Variants in FILIP1L observed in about 807,000 individuals in gnomAD.
FILIP1L encodes the protein filamin A interacting protein 1 like.
FILIP1L carries 55 observed loss-of-function variants against 96.6 expected under a neutral mutation model. The observed-to-expected ratio is 0.57, with a 90% CI of 0.46 to 0.71. The LOEUF is 0.71. FILIP1L is among the 30% of genes least tolerant of loss of function. FILIP1L has a pLI of 0.00. For missense variants in FILIP1L, 1,304 were observed against 1,321.2 expected (o/e 0.99, Z 0.20); for synonymous variants, 467 against 473.9 (o/e 0.99, Z 0.19).
intron 1 of FILIP1L, among the ~76,000 whole-genome samples, chr3:100,096,262 A>G (rs114748258): frequency 1.3e-5 from 2 of 152,142 alleles, no homozygotes; most frequent in Non-Finnish European, 2.9e-5. Flanking sequence ...ACTACTAGGT[A>G]CATACCCCAA....
At chr3:100,097,378 A>C (rs541119935) in intron 1 of FILIP1L, among the ~76,000 whole-genome samples, 1 of 152,328 alleles carries the variant, frequency 6.6e-6, no homozygotes, top group East Asian at 1.9e-4. Context: ...TGCATGGATT[A>C]TATGCAAATA....
At chr3:100,049,121 G>A (rs2065327272) in intron 1 of FILIP1L, among the ~76,000 whole-genome samples, 1 of 152,206 alleles carries the variant, frequency 6.6e-6, no homozygotes, top group African/African-American at 2.4e-5. Flanking sequence ...ATTGCAAACA[G>A]TTCTCTTTCC....
intron 1 of FILIP1L, among the ~76,000 whole-genome samples, chr3:99,979,399 T>C (rs1485205860): frequency 6.6e-6 from 1 of 152,210 alleles, no homozygotes; most frequent in Admixed American, 6.5e-5. Flanking sequence ...AGTAGAATGA[T>C]TCTAAAGATG....
At chr3:99,865,755 A>T (rs1944480563) in intron 4 of FILIP1L, among the ~76,000 whole-genome samples, 1 of 149,676 alleles carries the variant, frequency 6.7e-6, no homozygotes, top group Middle Eastern at 3.5e-3. Flanking sequence ...CATAATAATA[A>T]ATATATATAT....
At chr3:99,874,792 T>G (rs907122434) in intron 4 of FILIP1L, among the ~76,000 whole-genome samples, 1 of 152,212 alleles carries the variant, frequency 6.6e-6, no homozygotes, top group African/African-American at 2.4e-5. Context: ...GATCTGACAT[T>G]TTCTTCTGAC....
intron 3 of FILIP1L, among the ~76,000 whole-genome samples, chr3:99,925,028 T>C (rs1031754352): frequency 5.9e-5 from 9 of 152,146 alleles, no homozygotes; most frequent in Admixed American, 2.0e-4. Flanking sequence ...ATTAAAGAAA[T>C]GACAGGAAGT....
intron 1 of FILIP1L, among the ~76,000 whole-genome samples, chr3:100,088,744 A>G (rs755864059): frequency 6.6e-6 from 1 of 151,312 alleles, no homozygotes; most frequent in Admixed American, 6.6e-5. Context: ...GTGCCTTGTA[A>G]TTTCTTTTTC....
intron 1 of FILIP1L, among the ~76,000 whole-genome samples, chr3:99,949,172 A>G (rs1398264403): frequency 1.3e-5 from 2 of 152,328 alleles, no homozygotes; most frequent in Admixed American, 6.5e-5. Flanking sequence ...AGAGTGATTT[A>G]TTGTTAAGAT....
chr3:100,036,799 A>G (rs1158294674), intron 1 of FILIP1L, among the ~76,000 whole-genome samples: 2 of 152,168 alleles, frequency 1.3e-5, no homozygotes, highest in Non-Finnish European at 2.9e-5. Context: ...ACTTTAACCA[A>G]GTGATCAAAG....
At chr3:99,942,602 C>T (rs565404960) in intron 1 of FILIP1L, among the ~76,000 whole-genome samples, 144 of 152,278 alleles carry the variant, frequency 9.5e-4, no homozygotes, top group African/African-American at 3.3e-3. Flanking sequence ...GAGACCGAGG[C>T]GGGCGGATCA....
chr3:100,093,797 C>T (rs1377629060), intron 1 of FILIP1L, among the ~76,000 whole-genome samples: 1 of 152,226 alleles, frequency 6.6e-6, no homozygotes, highest in Non-Finnish European at 1.5e-5. Flanking sequence ...TAGAATCATA[C>T]AACATGTAAC....
intron 1 of FILIP1L, among the ~76,000 whole-genome samples, chr3:100,089,962 G>A (rs1320071517): frequency 1.3e-5 from 2 of 152,124 alleles, no homozygotes; most frequent in African/African-American, 2.4e-5. Flanking sequence ...AAAATTGGAG[G>A]GAGGAAATAG....
chr3:99,985,265 C>T (rs1709303362), intron 1 of FILIP1L, among the ~76,000 whole-genome samples: 1 of 152,132 alleles, frequency 6.6e-6, no homozygotes, highest in Non-Finnish European at 1.5e-5. Context: ...ATCATGGTGG[C>T]TCACGCCTGT....
chr3:100,052,052 ATAT>A (rs2065383634), intron 1 of FILIP1L, among the ~76,000 whole-genome samples: 1 of 151,982 alleles, frequency 6.6e-6, no homozygotes, highest in South Asian at 2.1e-4. Flanking sequence ...TAAATGATCT[ATAT>A]TATTATGTCA....
chr3:100,043,014 T>G (rs2065229477), intron 1 of FILIP1L, among the ~76,000 whole-genome samples: 1 of 152,272 alleles, frequency 6.6e-6, no homozygotes, highest in Non-Finnish European at 1.5e-5. Flanking sequence ...TAACATAGCC[T>G]GTGCTGGTCA....
chr3:99,931,137 C>T (rs957241396), intron 1 of FILIP1L, 107 bp from the exon 2 acceptor site: 1 of 903,584 alleles, frequency 1.1e-6, no homozygotes, highest in East Asian at 2.5e-5. Context: ...TTACCACAGC[C>T]CCAAAGTCAA....
chr3:99,894,065 T>G (rs1322670961), intron 4 of FILIP1L, among the ~76,000 whole-genome samples: 1 of 152,190 alleles, frequency 6.6e-6, no homozygotes, highest in Non-Finnish European at 1.5e-5. Context: ...TTCAGTAAAT[T>G]TTCTTTCCTC....
chr3:100,031,428 T>C (rs59674041), intron 1 of FILIP1L, among the ~76,000 whole-genome samples: 2,246 of 152,122 alleles, frequency 0.015, 56 homozygotes, highest in African/African-American at 0.052. Flanking sequence ...GAGTTGGTGG[T>C]AGGGTTCACA....
intron 3 of FILIP1L, among the ~76,000 whole-genome samples, chr3:99,927,486 C>T (rs946346871): frequency 4.6e-5 from 7 of 151,930 alleles, no homozygotes; most frequent in Admixed American, 4.6e-4. Context: ...TCACCTGCCT[C>T]AGCCTCCCAA....
Sources: gnomAD v4.1 joint callset for allele counts (sites outside exome capture counted in the v4.1 genomes callset) on GRCh38, gnomAD v4.1.1 for gene constraint, MANE v1.5 for transcripts, NCBI Gene and HGNC (gene_info 2026-07-23, HGNC 2026-07-21) for gene names.